Variants in PRKCE observed in about 807,000 individuals in gnomAD.
The protein encoded by PRKCE is protein kinase C epsilon type.
PRKCE carries 16 observed loss-of-function variants against 85.4 expected under a neutral mutation model. The ratio of observed to expected loss-of-function variants is 0.19; its 90% CI spans 0.13 to 0.28. The LOEUF is 0.28. PRKCE is among the 10% of genes least tolerant of loss of function. The pLI is 1.00. For synonymous variants in PRKCE, 388 were observed against 371.5 expected (o/e 1.04, Z -0.51); for missense variants, 573 against 975.2 (o/e 0.59, Z 5.49).
chr2:45,664,317 C>G (rs1366598565), intron 1 of PRKCE, among the ~76,000 whole-genome samples: 1 of 152,112 alleles, frequency 6.6e-6, no homozygotes, highest in Non-Finnish European at 1.5e-5. Flanking sequence ...GCATATTGGA[C>G]AAATAATTTA....
chr2:46,064,554 G>A (rs1472149883), intron 10 of PRKCE, among the ~76,000 whole-genome samples: 1 of 152,168 alleles, frequency 6.6e-6, no homozygotes, highest in Non-Finnish European at 1.5e-5. Context: ...TTCATCAGCA[G>A]CTTGCACCAG....
intron 1 of PRKCE, among the ~76,000 whole-genome samples, chr2:45,751,129 C>G (rs1171553763): frequency 1.3e-5 from 2 of 152,198 alleles, no homozygotes; most frequent in African/African-American, 4.8e-5. Flanking sequence ...TTATACTCTT[C>G]CCTCTTTTGG....
intron 10 of PRKCE, among the ~76,000 whole-genome samples, chr2:46,059,769 T>C (rs1170073476): frequency 6.6e-6 from 1 of 152,140 alleles, no homozygotes; most frequent in Non-Finnish European, 1.5e-5. Context: ...AACCTGTGAA[T>C]AGCCGCTACA....
At chr2:45,659,216 A>G (rs1675522178) in intron 1 of PRKCE, among the ~76,000 whole-genome samples, 1 of 152,094 alleles carries the variant, frequency 6.6e-6, no homozygotes, top group Non-Finnish European at 1.5e-5. Flanking sequence ...TCCTCAATCT[A>G]AGCCCTTCTT....
At chr2:46,098,271 T>C (rs916809882) in intron 11 of PRKCE, among the ~76,000 whole-genome samples, 41 of 152,160 alleles carry the variant, frequency 2.7e-4, no homozygotes, top group African/African-American at 9.9e-4. Context: ...GGCAAAGAAC[T>C]TAACTTCCCT....
intron 6 of PRKCE, among the ~76,000 whole-genome samples, chr2:45,988,798 G>A (rs1558926613): frequency 2.0e-5 from 3 of 152,264 alleles, no homozygotes; most frequent in African/African-American, 4.8e-5. Flanking sequence ...CGCTAGTCTC[G>A]GGCATTTGTA....
At chr2:45,919,288 G>C (rs1456003419) in intron 2 of PRKCE, among the ~76,000 whole-genome samples, 3 of 152,236 alleles carry the variant, frequency 2.0e-5, no homozygotes, top group Non-Finnish European at 4.4e-5. Flanking sequence ...TTGGAAACCA[G>C]GTGTGGGAAG....
At chr2:45,687,570 C>G (rs931394785) in intron 1 of PRKCE, among the ~76,000 whole-genome samples, 6 of 152,150 alleles carry the variant, frequency 3.9e-5, no homozygotes, top group Non-Finnish European at 7.4e-5. Context: ...GAAATGTTGT[C>G]CCACAGAAAT....
At chr2:45,751,741 T>G (rs1036685367) in intron 1 of PRKCE, among the ~76,000 whole-genome samples, 4 of 148,380 alleles carry the variant, frequency 2.7e-5, no homozygotes, top group African/African-American at 1.0e-4. Flanking sequence ...GTACAGAAAA[T>G]AAAATGAAAA....
At chr2:45,692,217 C>G (rs188481811) in intron 1 of PRKCE, among the ~76,000 whole-genome samples, 1 of 152,284 alleles carries the variant, frequency 6.6e-6, no homozygotes. Context: ...GCACCACAAA[C>G]TGGGTGGATT....
intron 14 of PRKCE, among the ~76,000 whole-genome samples, chr2:46,183,868 TA>T (rs1680233399): frequency 6.6e-6 from 1 of 152,218 alleles, no homozygotes; most frequent in African/African-American, 2.4e-5. Context: ...TCTAAGCCCC[TA>T]AAGGCAGAGA....
At chr2:45,743,089 G>A (rs957593231) in intron 1 of PRKCE, among the ~76,000 whole-genome samples, 16 of 152,174 alleles carry the variant, frequency 1.1e-4, no homozygotes, top group African/African-American at 3.9e-4. Context: ...GAATAGAATG[G>A]TGGTTGCCAG....
intron 1 of PRKCE, among the ~76,000 whole-genome samples, chr2:45,703,022 C>A (rs1402742033): frequency 1.8e-5 from 1 of 55,128 alleles, no homozygotes; most frequent in Non-Finnish European, 3.8e-5. Flanking sequence ...AGCCTTTTTT[C>A]CCCCCCCGTC....
chr2:45,734,681 G>T (rs1051092860), intron 1 of PRKCE, among the ~76,000 whole-genome samples: 2 of 152,226 alleles, frequency 1.3e-5, no homozygotes, highest in African/African-American at 4.8e-5. Flanking sequence ...GAGCCTGAGT[G>T]TAGGGGTGGA....
At chr2:45,675,461 T>G (rs1254694709) in intron 1 of PRKCE, 2 of 152,270 alleles carry the variant, frequency 1.3e-5, no homozygotes, top group Non-Finnish European at 2.9e-5. Context: ...CTGTCATTTA[T>G]CATTTCAGAA....
chr2:45,670,948 A>G (rs1428032025), intron 1 of PRKCE, among the ~76,000 whole-genome samples: 2 of 152,258 alleles, frequency 1.3e-5, no homozygotes, highest in African/African-American at 4.8e-5. Flanking sequence ...GTGGCATTCA[A>G]CATCAGATAG....
At chr2:45,882,376 G>A (rs751762870) in intron 2 of PRKCE, among the ~76,000 whole-genome samples, 5 of 152,228 alleles carry the variant, frequency 3.3e-5, no homozygotes, top group African/African-American at 4.8e-5. Context: ...AGCATCACAC[G>A]TGGGTTAATG....
chr2:45,695,583 G>A (rs1335914002), intron 1 of PRKCE, among the ~76,000 whole-genome samples: 1 of 152,186 alleles, frequency 6.6e-6, no homozygotes, highest in Non-Finnish European at 1.5e-5. Flanking sequence ...AACCAGCCTG[G>A]CCAACATGGT....
chr2:46,150,494 C>T (rs1401782054), intron 12 of PRKCE, among the ~76,000 whole-genome samples: 1 of 152,138 alleles, frequency 6.6e-6, no homozygotes, highest in Non-Finnish European at 1.5e-5. Flanking sequence ...TATAGGGAGA[C>T]CATTACAGGG....
Sources: gnomAD v4.1 joint callset for allele counts (sites outside exome capture counted in the v4.1 genomes callset) on GRCh38, gnomAD v4.1.1 for gene constraint, MANE v1.5 for transcripts, NCBI Gene and HGNC (gene_info 2026-07-23, HGNC 2026-07-21) for gene names.